The following MSH4 variants were observed in gnomAD, a reference collection of about 807,000 sequenced individuals.
MSH4 encodes the protein mutS homolog 4.
Under a neutral mutation model 113.7 loss-of-function variants are expected in MSH4, and 106 were observed. The ratio of observed to expected loss-of-function variants is 0.93; its 90% CI spans 0.80 to 1.10. The LOEUF (loss-of-function observed/expected upper bound fraction) is 1.10, where lower values mean the gene tolerates loss of function less well. MSH4 is among the 50% of genes least tolerant of loss of function. The probability of loss-of-function intolerance (pLI) is 0.00; values close to 1 mark genes in which losing one functional copy is unlikely to be tolerated. For synonymous variants in MSH4, 368 were observed against 380.2 expected (o/e 0.97, Z 0.37); for missense variants, 1,061 against 1,093.7 (o/e 0.97, Z 0.42).
chr1:75,828,374 A>C (rs1650603186), intron 7 of MSH4, among the ~76,000 whole-genome samples: 1 of 152,226 alleles, frequency 6.6e-6, no homozygotes. Context: ...TTATTGCAAC[A>C]TTATTCACGG....
At chr1:75,848,114 G>T (rs1651113406) in intron 7 of MSH4, 95 bp from the exon 8 acceptor site, 1 of 766,934 alleles carries the variant, frequency 1.3e-6, no homozygotes, top group Non-Finnish European at 2.1e-6. Context: ...AGGTAGAACT[G>T]TTCTATTTTA....
At chr1:75,834,699 A>G (rs1380797370) in intron 7 of MSH4, among the ~76,000 whole-genome samples, 2 of 152,184 alleles carry the variant, frequency 1.3e-5, no homozygotes, top group Non-Finnish European at 2.9e-5. Flanking sequence ...CAAACACCGC[A>G]TGTTCTCACT....
At chr1:75,866,180 G>T (rs1212568386) in intron 8 of MSH4, among the ~76,000 whole-genome samples, 1 of 151,982 alleles carries the variant, frequency 6.6e-6, no homozygotes, top group Non-Finnish European at 1.5e-5. Context: ...TTATCCCCCT[G>T]CCCTTTTTTG....
chr1:75,802,849 G>A (rs1458978408), intron 1 of MSH4, among the ~76,000 whole-genome samples: 2 of 152,174 alleles, frequency 1.3e-5, no homozygotes, highest in African/African-American at 4.8e-5. Context: ...GGCACATTTA[G>A]TGAGGGTCTT....
chr1:75,861,806 T>C (rs1197919490), intron 8 of MSH4, among the ~76,000 whole-genome samples: 2 of 152,208 alleles, frequency 1.3e-5, no homozygotes, highest in Non-Finnish European at 2.9e-5. Context: ...TTCAGAGCTG[T>C]TATGCAGGGA....
intron 3 of MSH4, 55 bp from the exon 4 acceptor site, chr1:75,810,642 G>C: frequency 1.3e-6 from 1 of 797,432 alleles, no homozygotes; most frequent in East Asian, 2.9e-5. Flanking sequence ...AGAAAAATAT[G>C]AAACTTTTAT....
chr1:75,891,344 G>A (rs1270835531), intron 17 of MSH4, among the ~76,000 whole-genome samples: 1 of 151,904 alleles, frequency 6.6e-6, no homozygotes, highest in Non-Finnish European at 1.5e-5. Flanking sequence ...ATACAGATAT[G>A]AACAAAACTG....
Position 75,878,279 on chromosome 1 carries a change from G to C in MSH4, c.1501G>C (p.Ala501Pro). ...RSNINEFLDI[A>P]RRTYTEIVDD... ...TAACATAAATGAATTTCTTGACATA[G>C]CAAGAAGAACATACACAGAGATTGT... is the stretch of plus-strand genomic sequence containing the variant. Residue 501 changes from alanine to proline, a missense_variant, in exon 11 of 20, where the codon GCA (alanine) becomes CCA (proline). Transcript: ENST00000263187. 2 of 1,603,212 alleles carry C rather than the reference G, an allele frequency of 1.2e-6. No homozygotes were observed. Among genetic ancestry groups the C allele is most frequent in the Non-Finnish European group, 1.7e-6 (2 of 1,177,368 alleles).
At chr1:75,871,084 C>T (rs1424248216) in intron 9 of MSH4, among the ~76,000 whole-genome samples, 4 of 151,970 alleles carry the variant, frequency 2.6e-5, no homozygotes, top group Non-Finnish European at 5.9e-5. Flanking sequence ...CTGGGTAGGC[C>T]TCAGGAAATG....
chr1:75,885,201 G>C (rs1405524442), intron 15 of MSH4, among the ~76,000 whole-genome samples: 2 of 142,956 alleles, frequency 1.4e-5, no homozygotes, highest in Admixed American at 1.5e-4. Context: ...TATATATATA[G>C]GGTATATATA....
intron 19 of MSH4, among the ~76,000 whole-genome samples, chr1:75,909,584 T>A: frequency 6.6e-6 from 1 of 152,072 alleles, no homozygotes; most frequent in East Asian, 1.9e-4. Flanking sequence ...CAACCCGTCA[T>A]CTAGGTTTTA....
At chr1:75,835,087 G>A (rs2100534251) in intron 7 of MSH4, among the ~76,000 whole-genome samples, 1 of 152,220 alleles carries the variant, frequency 6.6e-6, no homozygotes, top group South Asian at 2.1e-4. Flanking sequence ...TTTCAGCTTG[G>A]TCTGTCTTCC....
intron 9 of MSH4, among the ~76,000 whole-genome samples, chr1:75,872,130 C>A (rs1166383914): frequency 6.6e-6 from 1 of 152,154 alleles, no homozygotes; most frequent in Non-Finnish European, 1.5e-5. Flanking sequence ...AAGACCCTCC[C>A]AGCTATCTTC....
chr1:75,797,684 C>G (rs1649847748), intron 1 of MSH4, among the ~76,000 whole-genome samples: 1 of 152,196 alleles, frequency 6.6e-6, no homozygotes, highest in Non-Finnish European at 1.5e-5. Context: ...GTAATCCCAG[C>G]ACTTTGGGAA....
chr1:75,879,570 C>T (rs550308042), intron 12 of MSH4, among the ~76,000 whole-genome samples: 1 of 152,214 alleles, frequency 6.6e-6, no homozygotes, highest in African/African-American at 2.4e-5. Context: ...AAGTCTAACC[C>T]ACTCTAATCT....
In MSH4 at chr1:75,906,446, T is replaced by TATATATAAATATTGTATATATTATATATA. The variant is rs1652633644; in HGVS notation, c.2620-6243_2620-6242insAATATTGTATATATTATATATAATATATA. Among the ~76,000 whole-genome samples, 2 of 58,576 alleles carry TATATATAAATATTGTATATATTATATATA rather than the reference T, an allele frequency of 3.4e-5. 1 individual carries two copies. The highest frequency in any genetic ancestry group is 6.8e-4 in the East Asian group (2 of 2,922). The allele number at this position is 58,576 out of a possible 152,430, so 38.4% of individuals were successfully genotyped here. On this transcript the variant is annotated intron_variant, in intron 19 of 19. Transcript: ENST00000263187. ...TGCTTTATATTTTTAATATATATAA[T>TATATATAAATATTGTATATATTATATATA]ATATATACAATATTATATATATTAT... is the stretch of plus-strand genomic sequence containing the variant.
At chr1:75,887,936 T>C (rs1652162024) in intron 15 of MSH4, among the ~76,000 whole-genome samples, 1 of 151,642 alleles carries the variant, frequency 6.6e-6, no homozygotes. Flanking sequence ...AATTCATCCT[T>C]TTAGGAAAAC....
intron 17 of MSH4, among the ~76,000 whole-genome samples, chr1:75,894,947 A>G (rs1025996724): frequency 1.3e-5 from 2 of 152,170 alleles, no homozygotes; most frequent in Non-Finnish European, 2.9e-5. Context: ...GCCAGGATTC[A>G]TGGGTCCAGC....
At chr1:75,859,142 A>T (rs568540172) in intron 8 of MSH4, among the ~76,000 whole-genome samples, 1 of 151,736 alleles carries the variant, frequency 6.6e-6, no homozygotes, top group South Asian at 2.1e-4. Flanking sequence ...CGTCTATTTG[A>T]TTCTTCTCTC....
Sources: allele counts gnomAD v4.1 joint callset (sites outside exome capture counted in the v4.1 genomes callset), GRCh38; gene constraint gnomAD v4.1.1; transcripts MANE v1.5; gene names NCBI Gene and HGNC (gene_info 2026-07-23, HGNC 2026-07-21).